Variants in STK3 observed in about 807,000 individuals in gnomAD.
STK3 encodes the protein serine/threonine-protein kinase 3.
A neutral mutation model predicts 58.0 loss-of-function variants in STK3; 41 were observed. That is an observed-to-expected ratio of 0.71 (90% CI 0.55 to 0.92). The LOEUF (loss-of-function observed/expected upper bound fraction) is 0.92, where lower values mean the gene tolerates loss of function less well. STK3 is among the 40% of genes least tolerant of loss of function. The pLI is 0.00. For missense variants in STK3, 479 were observed against 602.7 expected (o/e 0.79, Z 2.15); for synonymous variants, 170 against 191.0 (o/e 0.89, Z 0.91).
intron 8 of STK3, among the ~76,000 whole-genome samples, chr8:98,573,648 TC>T (rs1199934198): frequency 6.6e-6 from 1 of 151,788 alleles, no homozygotes; most frequent in Non-Finnish European, 1.5e-5. Flanking sequence ...TTTCCAACAG[TC>T]CCCCAAAGTC....
At chr8:98,627,821 G>C (rs765539975) in intron 6 of STK3, among the ~76,000 whole-genome samples, 2 of 152,214 alleles carry the variant, frequency 1.3e-5, no homozygotes, top group Non-Finnish European at 2.9e-5. Flanking sequence ...AGATTTAGCT[G>C]TTAAATTTAG....
At chr8:98,851,532 C>T (rs945534756) in intron 3 of STK3, among the ~76,000 whole-genome samples, 1 of 152,092 alleles carries the variant, frequency 6.6e-6, no homozygotes, top group Admixed American at 6.6e-5. Context: ...GAGTATGAAA[C>T]TGCATTTTTG....
At chr8:98,378,302 T>C (rs1817695973) in intron 2 of STK3, among the ~76,000 whole-genome samples, 1 of 152,134 alleles carries the variant, frequency 6.6e-6, no homozygotes, top group Admixed American at 6.5e-5. Context: ...GCACTTGGCT[T>C]CTTGAAGAGT....
At chr8:98,929,906 A>T (rs1839945579) in intron 1 of STK3, among the ~76,000 whole-genome samples, 1 of 152,236 alleles carries the variant, frequency 6.6e-6, no homozygotes, top group Non-Finnish European at 1.5e-5. Flanking sequence ...AATAGGGGTG[A>T]GGAAGACTGG....
At chr8:98,591,709 T>A (rs1815331073) in intron 7 of STK3, among the ~76,000 whole-genome samples, 1 of 152,340 alleles carries the variant, frequency 6.6e-6, no homozygotes, top group South Asian at 2.1e-4. Context: ...ATAGACTAAC[T>A]GTAGCATAAC....
intron 1 of STK3, among the ~76,000 whole-genome samples, chr8:98,795,759 C>T (rs1165411550): frequency 6.6e-6 from 1 of 151,894 alleles, no homozygotes; most frequent in Non-Finnish European, 1.5e-5. Context: ...CAGCTGAGAG[C>T]CAAGTCAAGA....
chr8:98,892,626 G>A (rs535601679), intron 1 of STK3, among the ~76,000 whole-genome samples: 23 of 152,046 alleles, frequency 1.5e-4, no homozygotes, highest in East Asian at 3.9e-4. Flanking sequence ...CACTCTCCCC[G>A]TTTCCTACCT....
intron 1 of STK3, among the ~76,000 whole-genome samples, chr8:98,803,062 T>C (rs1833664343): frequency 6.6e-6 from 1 of 152,248 alleles, no homozygotes; most frequent in Admixed American, 6.5e-5. Context: ...AGGGTTTCCC[T>C]TGGGGTATGA....
intron 6 of STK3, among the ~76,000 whole-genome samples, chr8:98,686,868 G>T (rs1012790540): frequency 6.6e-6 from 1 of 151,782 alleles, no homozygotes; most frequent in Non-Finnish European, 1.5e-5. Context: ...AATCAACCCA[G>T]TCAGATAAAA....
At chr8:98,391,051 T>G (rs901059729), upstream of STK3, among the ~76,000 whole-genome samples, 21 of 152,366 alleles carry the variant, frequency 1.4e-4, no homozygotes, top group Middle Eastern at 3.4e-3. Flanking sequence ...GTTGACTGCT[T>G]TTTCCCATGC....
intron 6 of STK3, among the ~76,000 whole-genome samples, chr8:98,620,326 G>T (rs1398260347): frequency 8.1e-6 from 1 of 123,630 alleles, no homozygotes; most frequent in East Asian, 2.4e-4. Flanking sequence ...TGGGGTGAGG[G>T]GAGGGGGGAG....
At position 98,696,079 on chromosome 8, in the gene STK3, T is replaced by C. The variant is rs997263043; in HGVS notation, c.684+10388A>G. 1.1e-4 allele frequency among the ~76,000 whole-genome samples: 16 copies of C among 152,234 alleles called. No individual in the cohort carries two copies. The South Asian group carries it at 1.9e-3, about 18-fold the overall frequency. On this transcript the variant is annotated intron_variant, in intron 6 of 10. Transcript: ENST00000419617. ...TAGTTCTCCTTGAAGAGGTCCTTCA[T>C]GTCCCTTGTAAGTTGGATTCCCAGG...
intron 3 of STK3, among the ~76,000 whole-genome samples, chr8:98,864,707 T>C (rs920308958): frequency 6.6e-6 from 1 of 152,204 alleles, no homozygotes; most frequent in African/African-American, 2.4e-5. Flanking sequence ...TACTTGTTTA[T>C]CTGCTACATC....
chr8:98,771,359 G>A (rs1831306218), intron 2 of STK3, among the ~76,000 whole-genome samples: 1 of 152,166 alleles, frequency 6.6e-6, no homozygotes, highest in South Asian at 2.1e-4. Flanking sequence ...GGACATTTGA[G>A]TTGTTTCCAC....
chr8:98,724,739 T>C (rs1287080718), intron 4 of STK3, among the ~76,000 whole-genome samples: 1 of 152,186 alleles, frequency 6.6e-6, no homozygotes, highest in Non-Finnish European at 1.5e-5. Flanking sequence ...GAGAGACTTG[T>C]GTGGTAGAAT....
At chr8:98,938,271 G>A (rs993635044) in intron 1 of STK3, among the ~76,000 whole-genome samples, 2 of 152,186 alleles carry the variant, frequency 1.3e-5, no homozygotes, top group African/African-American at 2.4e-5. Flanking sequence ...GAAAATCCTG[G>A]AGGGAAGCAA....
intron 4 of STK3, among the ~76,000 whole-genome samples, chr8:98,716,151 G>T (rs1232234250): frequency 6.6e-6 from 1 of 152,116 alleles, no homozygotes; most frequent in African/African-American, 2.4e-5. Flanking sequence ...TGGGGAGTGG[G>T]GAGCGATAGC....
intron 7 of STK3, among the ~76,000 whole-genome samples, chr8:98,588,412 T>C (rs1049990777): frequency 2.0e-5 from 3 of 151,316 alleles, no homozygotes; most frequent in Non-Finnish European, 3.0e-5. Context: ...TCTTTAAGAA[T>C]GTTGAATATT....
At chr8:98,356,711 A>G in the STK3 span, among the ~76,000 whole-genome samples, 9 of 152,260 alleles carry the variant, frequency 5.9e-5, no homozygotes, top group Admixed American at 2.0e-4. Context: ...TTTAGACCTC[A>G]CAAAAATGCG....
Sources: allele counts gnomAD v4.1 joint callset (sites outside exome capture counted in the v4.1 genomes callset), GRCh38; gene constraint gnomAD v4.1.1; transcripts MANE v1.5; gene names NCBI Gene and HGNC (gene_info 2026-07-23, HGNC 2026-07-21).